The following MED27 variants were observed in gnomAD, a reference collection of about 807,000 sequenced individuals.
MED27 encodes the protein mediator of RNA polymerase II transcription subunit 27.
In MED27, 30 loss-of-function variants were observed where a neutral mutation model predicts 38.2. The observed-to-expected ratio is 0.79, with a 90% CI of 0.59 to 1.07. MED27 has a LOEUF of 1.07. Ranked by LOEUF, MED27 falls within the 50% of genes least tolerant of loss-of-function variation. The pLI is 0.00. For missense variants in MED27, 289 were observed against 397.5 expected, an observed-to-expected ratio of 0.73 and a Z score of 2.32; for synonymous variants, 122 against 153.5, an observed-to-expected ratio of 0.79 and a Z score of 1.52.
Position 132,065,919 on chromosome 9 carries a change from C to T in MED27, c.348+11523G>A, listed in dbSNP as rs145343151. Among the ~76,000 whole-genome samples the T allele has an allele frequency of 2.9e-4, 44 of 152,344 alleles. No homozygotes were observed. In the East Asian group the frequency reaches 7.9e-3, roughly 27 times the overall value. On this transcript the variant is annotated intron_variant, in intron 2 of 7. Transcript: ENST00000292035. ...ATAGCTGCCAAATACTGTTGGTCCC[C>T]GTTAGAGGGCTAGCAGCATGGCCTT...
chr9:131,919,218 A>C (rs1830346106), intron 4 of MED27, among the ~76,000 whole-genome samples: 1 of 152,228 alleles, frequency 6.6e-6, no homozygotes, highest in South Asian at 2.1e-4. Flanking sequence ...TAAAAAGCCA[A>C]GTACAGCTTT....
rs149573458 is a variant in MED27, at chr9:131,997,005, G to A, written c.479+17332C>T. On this transcript the variant is annotated intron_variant, in intron 3 of 7. Transcript: ENST00000292035. This position sits in a 1 kb window ranked among gnomAD's most constrained non-coding sequence, Gnocchi z 4.0. ...AAGCTTTTGGGGAGTCAAAAGTCAC[G>A]CACATTTTTGACTATGGTGGGGGAT... Among the ~76,000 whole-genome samples the A allele has an allele frequency of 7.9e-5, 12 of 152,262 alleles. No homozygotes were observed. The highest frequency in any genetic ancestry group is 2.9e-4 in the African/African-American group (12 of 41,548).
At chr9:131,963,746 T>A (rs986092886) in intron 3 of MED27, among the ~76,000 whole-genome samples, 2 of 152,224 alleles carry the variant, frequency 1.3e-5, no homozygotes, top group African/African-American at 4.8e-5. Context: ...GTGCTTTATA[T>A]TTATAGTTCT....
chr9:131,961,796 C>T (rs895846728), intron 3 of MED27, among the ~76,000 whole-genome samples: 2 of 152,086 alleles, frequency 1.3e-5, no homozygotes, highest in African/African-American at 4.8e-5. Flanking sequence ...AAAAAGCCTT[C>T]TTCTGCTCTC....
At chr9:132,034,795 G>A (rs994978602) in intron 2 of MED27, among the ~76,000 whole-genome samples, 5 of 152,140 alleles carry the variant, frequency 3.3e-5, no homozygotes, top group African/African-American at 1.2e-4. Context: ...GAAACTCAAG[G>A]TTAGGGGGAT....
At chr9:131,916,032 A>G (rs1830281060) in intron 4 of MED27, among the ~76,000 whole-genome samples, 1 of 152,198 alleles carries the variant, frequency 6.6e-6, no homozygotes, top group South Asian at 2.1e-4. Context: ...TATAATCAAT[A>G]ATACCATAGA....
At chr9:132,039,059 T>C (rs1457295913) in intron 2 of MED27, among the ~76,000 whole-genome samples, 1 of 152,248 alleles carries the variant, frequency 6.6e-6, no homozygotes. Flanking sequence ...GATTTTGGTC[T>C]CTTTGCCTTG....
At position 131,908,874 on chromosome 9, in the gene MED27, T is replaced by TA. The variant is rs34481836; in HGVS notation, c.574-14883dup. Among the ~76,000 whole-genome samples the TA allele has an allele frequency of 1.8e-3, 246 of 137,096 alleles. 3 individuals are homozygous for TA. The highest frequency in any genetic ancestry group is 4.2e-3 in the African/African-American group (151 of 35,974). 89.9% of individuals were successfully genotyped at this position (137,096 alleles called of 152,430 possible). ...CGAGAAACACCCAAGAATGATCAAT[T>TA]AAAAAAAAAAAAAAAAAGAACTTTA... On this transcript the variant is annotated intron_variant, in intron 4 of 7. Transcript: ENST00000292035.
chr9:132,018,523 T>C (rs565918327), intron 2 of MED27, among the ~76,000 whole-genome samples: 5 of 152,316 alleles, frequency 3.3e-5, no homozygotes, highest in Admixed American at 2.0e-4. Flanking sequence ...CCCCAAAATA[T>C]TCATAGGTTA....
chr9:131,958,897 A>G (rs1278246220), intron 3 of MED27, among the ~76,000 whole-genome samples: 2 of 152,284 alleles, frequency 1.3e-5, no homozygotes, highest in Non-Finnish European at 2.9e-5. Context: ...CGTGCTGAGC[A>G]GAATTTCAGC....
At chr9:132,073,620 A>AACTAAGTT (rs948862709) in intron 2 of MED27, 13 of 1,445,774 alleles carry the variant, frequency 9.0e-6, no homozygotes, top group Admixed American at 3.2e-5. Flanking sequence ...GTGAGAGGTG[A>AACTAAGTT]ACTTTGCAGT....
intron 6 of MED27, among the ~76,000 whole-genome samples, chr9:131,878,482 A>T (rs943333218): frequency 6.6e-6 from 1 of 152,060 alleles, no homozygotes; most frequent in Non-Finnish European, 1.5e-5. Context: ...GGAGAGCTGG[A>T]CATCTGCGGG....
rs919810474 is a variant in MED27, at chr9:131,997,705, T to A, written c.479+16632A>T. Among the ~76,000 whole-genome samples the A allele has an allele frequency of 3.3e-5, 5 of 152,224 alleles. No homozygotes were observed. The highest frequency in any genetic ancestry group is 1.2e-4 in the African/African-American group (5 of 41,454). ...AGACATACAGATTCCGGGTTCTCTG[T>A]GCCCAGGTTTGAATTCCAGTCCCAG... On this transcript the variant is annotated intron_variant, in intron 3 of 7. Transcript: ENST00000292035. The surrounding 1 kb of genome is among the most constrained non-coding windows in gnomAD (Gnocchi z 4.0).
chr9:131,948,960 C>T (rs1830936205), intron 3 of MED27, among the ~76,000 whole-genome samples: 3 of 152,168 alleles, frequency 2.0e-5, no homozygotes, highest in South Asian at 4.1e-4. Context: ...GAAATCAATG[C>T]ACAAGGGCCC....
chr9:131,941,286 A>C (rs1259440875), intron 3 of MED27, among the ~76,000 whole-genome samples: 1 of 152,224 alleles, frequency 6.6e-6, no homozygotes, highest in Non-Finnish European at 1.5e-5. Flanking sequence ...GACATATAAA[A>C]GGTATATTCT....
rs189709741 is a variant in MED27 at position 131,986,838 on chromosome 9, G to A, written c.479+27499C>T. On this transcript the variant is annotated intron_variant, in intron 3 of 7. Transcript: ENST00000292035. ...TCATCAGAATGTAAGCTAATGAATCGTTACATCCCCAGTGTCTCAAACAGG... is the reference window on the plus strand; with the variant it reads ...TCATCAGAATGTAAGCTAATGAATCATTACATCCCCAGTGTCTCAAACAGG... Among the ~76,000 whole-genome samples, 4 of 152,104 alleles carry A rather than the reference G, an allele frequency of 2.6e-5. No individual in the cohort carries two copies. In the East Asian group the frequency reaches 5.8e-4, roughly 22 times the overall value.
chr9:131,966,752 C>T (rs1449612601), intron 3 of MED27, among the ~76,000 whole-genome samples: 1 of 152,208 alleles, frequency 6.6e-6, no homozygotes, highest in Admixed American at 6.5e-5. Flanking sequence ...AGGACCTGAG[C>T]TAGCTATGTG....
At chr9:132,039,318 T>C (rs1216921279) in intron 2 of MED27, among the ~76,000 whole-genome samples, 1 of 151,748 alleles carries the variant, frequency 6.6e-6, no homozygotes, top group Non-Finnish European at 1.5e-5. Flanking sequence ...GGAAGCTGTG[T>C]AACTGAAGCT....
At position 131,922,401 on chromosome 9, in the gene MED27, G is replaced by C. The variant is rs1830409330; in HGVS notation, c.573+16980C>G. Among the ~76,000 whole-genome samples the C allele has an allele frequency of 2.0e-5, 3 of 150,146 alleles. No homozygotes were observed. In the South Asian group the frequency reaches 6.3e-4, roughly 32 times the overall value. On this transcript the variant is annotated intron_variant, in intron 4 of 7. Coordinates refer to ENST00000292035, the MANE Select transcript of MED27 (RefSeq NM_004269.4). Reference sequence around the variant, plus strand: ...TTTATTTTGGTGTTCAATTGTCCTGGGTTTGGTGAGTAGGAGGCTCCTTTC... The same window carrying C: ...TTTATTTTGGTGTTCAATTGTCCTGCGTTTGGTGAGTAGGAGGCTCCTTTC...
Sources: gnomAD v4.1 joint callset for allele counts (sites outside exome capture counted in the v4.1 genomes callset) on GRCh38, gnomAD v4.1.1 for gene constraint, Gnocchi (gnomAD v3.1) non-coding constraint, MANE v1.5 for transcripts, NCBI Gene and HGNC (gene_info 2026-07-23, HGNC 2026-07-21) for gene names.